CELSR1: variants seen among roughly 807,000 people sequenced by gnomAD.
The protein encoded by CELSR1 is adhesion G protein-coupled receptor C1.
A neutral mutation model predicts 249.1 loss-of-function variants in CELSR1; 110 were observed. That is an observed-to-expected ratio of 0.44 (90% CI 0.38 to 0.52). The LOEUF (loss-of-function observed/expected upper bound fraction) is 0.52. CELSR1 is among the 20% of genes least tolerant of loss of function. CELSR1 has a pLI of 0.00. For missense variants in CELSR1, 4,109 were observed against 4,296.4 expected, an observed-to-expected ratio of 0.96 and a Z score of 1.22; for synonymous variants, 2,113 against 1,900.0, an observed-to-expected ratio of 1.11 and a Z score of -2.92.
intron 18 of CELSR1, among the ~76,000 whole-genome samples, chr22:46,387,038 G>C (rs765151393): frequency 6.6e-6 from 1 of 152,048 alleles, no homozygotes; most frequent in African/African-American, 2.4e-5. Flanking sequence ...GATTACAGGC[G>C]TGAGCCACCA....
rs113270963 is a variant in CELSR1 at position 46,445,756 on chromosome 22, T to G, written c.4184-6345A>C. On this transcript the variant is annotated intron_variant, in intron 2 of 34. Coordinates refer to ENST00000674500, the MANE Select transcript of CELSR1 (RefSeq NM_001378328.1). The surrounding 1 kb of genome is among the most constrained non-coding windows in gnomAD (Gnocchi z 4.4). Reference sequence around the variant, plus strand: ...TGCCCCGAGAGCAGCAGCGCCTGGCTGGCAGAGCCTTTCCCGTCGATGCTT... The same window carrying G: ...TGCCCCGAGAGCAGCAGCGCCTGGCGGGCAGAGCCTTTCCCGTCGATGCTT... 1.7e-3 allele frequency among the ~76,000 whole-genome samples: 252 copies of G among 152,330 alleles called. No homozygotes were observed. Among genetic ancestry groups the G allele is most frequent in the Admixed American group, 5.7e-3 (88 of 15,310 alleles).
intron 1 of CELSR1, among the ~76,000 whole-genome samples, chr22:46,532,847 C>T (rs2080806225): frequency 6.6e-6 from 1 of 152,130 alleles, no homozygotes; most frequent in Admixed American, 6.5e-5. Flanking sequence ...CAGACCAGCC[C>T]CGGCACACAG....
chr22:46,463,903 G>C lies in CELSR1; in HGVS notation c.3987C>G (p.Pro1329=), dbSNP rs777805872. Residue 1329 remains proline (P), a synonymous_variant, in exon 2 of 35, where the codon CCC becomes CCG. Coordinates refer to ENST00000674500, the MANE Select transcript of CELSR1 (RefSeq NM_001378328.1). ...VSVLRFDSSA[P]FLSSTTVLFR... The stretch of plus-strand genomic sequence containing the variant: ...AGAGCACGGTGGTGGAGCTGAGGAA[G>C]GGCGCGGAGCTGTCGAATCGCAGAA... 2 of 1,613,600 alleles carry C rather than the reference G, an allele frequency of 1.2e-6. No homozygotes were observed. Among genetic ancestry groups the C allele is most frequent in the Admixed American group, 1.7e-5 (1 of 59,992 alleles).
rs950186644 is a variant in CELSR1 at position 46,393,496 on chromosome 22, G to A, written c.5964+646C>T. 6.6e-6 allele frequency among the ~76,000 whole-genome samples: 1 copy of A among 152,206 alleles called. No homozygotes were observed. Among genetic ancestry groups the A allele is most frequent in the Non-Finnish European group, 1.5e-5 (1 of 68,040 alleles). ...CTCACGCCTGTAATCCCAGCACTCT[G>A]GGAGGCTGAGGCGGGCGGATCACCT... On this transcript the variant is annotated intron_variant, in intron 14 of 34. Transcript: ENST00000674500. This position sits in a 1 kb window ranked among gnomAD's most constrained non-coding sequence, Gnocchi z 4.1.
chr22:46,428,015 A>T lies in CELSR1; in HGVS notation c.4611+5378T>A, dbSNP rs1464363101. On this transcript the variant is annotated intron_variant, in intron 5 of 34. Coordinates refer to ENST00000674500, the MANE Select transcript of CELSR1 (RefSeq NM_001378328.1). The surrounding 1 kb of genome is among the most constrained non-coding windows in gnomAD (Gnocchi z 5.7). ...GGGGTTTAATGTGCAGCACAGACCCAAGAGGTTTTGAATGACCTGACAAGC... is the reference window on the plus strand; with the variant it reads ...GGGGTTTAATGTGCAGCACAGACCCTAGAGGTTTTGAATGACCTGACAAGC... Among the ~76,000 whole-genome samples the T allele has an allele frequency of 1.3e-5, 2 of 152,138 alleles. No homozygotes were observed.
At position 46,536,928 on chromosome 22, in the gene CELSR1, G is replaced by T; in HGVS notation, c.243C>A (p.Gly81=). 8.6e-7 allele frequency: 1 copy of T among 1,168,982 alleles called. No individual in the cohort carries two copies. The allele number at this position is 1,168,982 out of a possible 1,614,324, so 72.4% of individuals were successfully genotyped here. ...GRLAGRRRVS[G]AGRPLPLQVR... ...CTTGCAGCGGCAGCGGGCGCCCCGCGCCCGAGACGCGCCGACGTCCTGCCA... is the reference window on the plus strand; with the variant it reads ...CTTGCAGCGGCAGCGGGCGCCCCGCTCCCGAGACGCGCCGACGTCCTGCCA... Residue 81 remains glycine, a synonymous_variant, in exon 1 of 35, where the codon GGC becomes GGA. Coordinates refer to ENST00000674500, the MANE Select transcript of CELSR1 (RefSeq NM_001378328.1).
At chr22:46,385,649 G>C (rs1023737647) in intron 19 of CELSR1, among the ~76,000 whole-genome samples, 4 of 151,752 alleles carry the variant, frequency 2.6e-5, no homozygotes, top group African/African-American at 4.9e-5. Flanking sequence ...TTACAGATGA[G>C]GAAACAGAGG....
At chr22:46,465,132 A>G (rs2080082211) in intron 1 of CELSR1, among the ~76,000 whole-genome samples, 1 of 152,076 alleles carries the variant, frequency 6.6e-6, no homozygotes, top group African/African-American at 2.4e-5. Context: ...TGAGACGTTC[A>G]GGGGGTGGGT....
At position 46,517,825 on chromosome 22, in the gene CELSR1, G is replaced by T. The variant is rs1441771699; in HGVS notation, c.3544+15802C>A. Among the ~76,000 whole-genome samples, 1 of 152,082 alleles carries T rather than the reference G, an allele frequency of 6.6e-6. No homozygotes were observed. Among genetic ancestry groups the T allele is most frequent in the Non-Finnish European group, 1.5e-5 (1 of 68,038 alleles). ...ATTGAGACCCAGAGGGAAAGGGAGGGTGAGCTGTCATCTGAAAGCACCCAC... is the reference window on the plus strand; with the variant it reads ...ATTGAGACCCAGAGGGAAAGGGAGGTTGAGCTGTCATCTGAAAGCACCCAC... On this transcript the variant is annotated intron_variant, in intron 1 of 34. Transcript: ENST00000674500. The surrounding 1 kb of genome is among the most constrained non-coding windows in gnomAD (Gnocchi z 5.4).
At chr22:46,513,916 C>G (rs1378536988) in intron 1 of CELSR1, among the ~76,000 whole-genome samples, 1 of 151,892 alleles carries the variant, frequency 6.6e-6, no homozygotes, top group Non-Finnish European at 1.5e-5. Flanking sequence ...CCTCAGCCCC[C>G]CCCGAGTAGC....
chr22:46,383,757 C>A (rs1397866245), intron 20 of CELSR1, among the ~76,000 whole-genome samples: 2 of 152,204 alleles, frequency 1.3e-5, no homozygotes, highest in Non-Finnish European at 2.9e-5. Flanking sequence ...TTCTGAATTT[C>A]TGGGCTCAAG....
chr22:46,514,684 C>T (rs1051971018), intron 1 of CELSR1, among the ~76,000 whole-genome samples: 11 of 152,168 alleles, frequency 7.2e-5, no homozygotes, highest in East Asian at 1.9e-4. Flanking sequence ...AGTCACTCCC[C>T]GGAGGGAGCC....
rs563731624 is a variant in CELSR1, at chr22:46,512,415, C to T, written c.3544+21212G>A. ...GTGAAACCCCATCTCTACTAAAATACAAAAAAATTAGCCCGGTGTGGTGGT... is the reference window on the plus strand; with the variant it reads ...GTGAAACCCCATCTCTACTAAAATATAAAAAAATTAGCCCGGTGTGGTGGT... On this transcript the variant is annotated intron_variant, in intron 1 of 34. Transcript: ENST00000674500. The surrounding 1 kb of genome is among the most constrained non-coding windows in gnomAD (Gnocchi z 5.2). Among the ~76,000 whole-genome samples the T allele has an allele frequency of 6.6e-6, 1 of 152,104 alleles. No homozygotes were observed. Among genetic ancestry groups the T allele is most frequent in the Non-Finnish European group, 1.5e-5 (1 of 67,996 alleles).
In CELSR1 at chr22:46,448,509, T is replaced by C. The variant is rs562255728; in HGVS notation, c.4184-9098A>G. 1 of 426,336 alleles carries C rather than the reference T, an allele frequency of 2.3e-6. No individual in the cohort carries two copies. Among genetic ancestry groups the C allele is most frequent in the South Asian group, 1.8e-5 (1 of 57,034 alleles). 26.4% of individuals were successfully genotyped at this position (426,336 alleles called of 1,614,324 possible). A position where few individuals can be genotyped will look rare whatever the true frequency, so the allele number is the denominator to read the frequency against. On this transcript the variant is annotated intron_variant, in intron 2 of 34. Transcript: ENST00000674500. The surrounding 1 kb of genome is among the most constrained non-coding windows in gnomAD (Gnocchi z 5.7). ...CCAGGAGGGGAAGGGCGTGTAAAGA[T>C]TGACCACTTAAGTTCTTAAATAAAT...
rs192080723 is a variant in CELSR1, at chr22:46,434,112, T to C, written c.4523-631A>G. The stretch of plus-strand genomic sequence containing the variant: ...ATGCATTGCATCAACGTAGACAAAA[T>C]CATCAAAACCAATTCCACTTTAGGT... On this transcript the variant is annotated intron_variant, in intron 4 of 34. Transcript: ENST00000674500. This position sits in a 1 kb window ranked among gnomAD's most constrained non-coding sequence, Gnocchi z 4.9. 1.6e-4 allele frequency among the ~76,000 whole-genome samples: 24 copies of C among 152,338 alleles called. No individual in the cohort carries two copies. Among genetic ancestry groups the C allele is most frequent in the Non-Finnish European group, 3.2e-4 (22 of 68,038 alleles).
intron 22 of CELSR1, among the ~76,000 whole-genome samples, chr22:46,379,768 T>C (rs1415993151): frequency 2.0e-5 from 3 of 152,206 alleles, no homozygotes; most frequent in Admixed American, 2.0e-4. Flanking sequence ...GCGTTCCTGC[T>C]GCACAGACGT....
intron 19 of CELSR1, among the ~76,000 whole-genome samples, chr22:46,385,687 T>C (rs2079024540): frequency 6.6e-6 from 1 of 150,920 alleles, no homozygotes. Flanking sequence ...TTTTTTTTTT[T>C]TTTTTTTTGA....
rs2079619697 is a variant in CELSR1 at position 46,433,440 on chromosome 22, C to T, written c.4564G>A (p.Val1522Met). The change falls in exon 5 of 35, where the codon GTG (valine) becomes ATG (methionine). Residue 1522 changes from valine (V) to methionine (M), a missense_variant. Val to Met is a conservative substitution (Grantham distance 21). This residue lies in a region of CELSR1 where 453 missense variants were observed against 492.0 expected (regional missense o/e 0.92). Coordinates refer to ENST00000674500, the MANE Select transcript of CELSR1 (RefSeq NM_001378328.1). This position sits in a 1 kb window ranked among gnomAD's most constrained non-coding sequence, Gnocchi z 5.7. ...TTVAPKVPSG[V>M]SDGRWHSVQV... The stretch of plus-strand genomic sequence containing the variant: ...ACAGAGTGCCACCGCCCGTCACTCA[C>T]ACCACTGGGAACCTTCGGTGCCACG... 1.9e-6 allele frequency: 3 copies of T among 1,613,960 alleles called. No individual in the cohort carries two copies. The highest frequency in any genetic ancestry group is 2.5e-6 in the Non-Finnish European group (3 of 1,179,996).
In CELSR1 at chr22:46,441,949, G is replaced by C. The variant is rs1343362847; in HGVS notation, c.4184-2538C>G. ...AGATTACCAGAGGTCGAGAGTTCAA[G>C]ACCAGCCTAACCAACATGGTGAAAC... is the stretch of plus-strand genomic sequence containing the variant. On this transcript the variant is annotated intron_variant, in intron 2 of 34. Transcript: ENST00000674500. This position sits in a 1 kb window ranked among gnomAD's most constrained non-coding sequence, Gnocchi z 6.1. 6.6e-6 allele frequency among the ~76,000 whole-genome samples: 1 copy of C among 152,142 alleles called. No homozygotes were observed. Among genetic ancestry groups the C allele is most frequent in the Non-Finnish European group, 1.5e-5 (1 of 68,036 alleles).
Sources: gnomAD v4.1 joint callset for allele counts (sites outside exome capture counted in the v4.1 genomes callset) on GRCh38, gnomAD v4.1.1 for gene constraint, gnomAD v4.1.1 regional missense constraint, Gnocchi (gnomAD v3.1) non-coding constraint, MANE v1.5 for transcripts, NCBI Gene and HGNC (gene_info 2026-07-23, HGNC 2026-07-21) for gene names.